PSD3: variants seen among roughly 807,000 people sequenced by gnomAD.
PSD3 encodes PH and SEC7 domain-containing protein 3.
Under a neutral mutation model 105.5 loss-of-function variants are expected in PSD3, and 49 were observed. The ratio of observed to expected loss-of-function variants is 0.46; its 90% CI spans 0.37 to 0.59. PSD3 has a LOEUF of 0.59. Among genes scored for constraint, PSD3 ranks in the 20% least tolerant of loss-of-function variants. PSD3 has a pLI of 0.00. For synonymous variants in PSD3, 557 were observed against 457.8 expected (o/e 1.22, Z -2.77); for missense variants, 1,561 against 1,263.8 (o/e 1.24, Z -3.57).
chr8:19,052,440 C>G (rs1299151882), intron 1 of PSD3, among the ~76,000 whole-genome samples: 1 of 148,640 alleles, frequency 6.7e-6, no homozygotes, highest in African/African-American at 2.5e-5. Flanking sequence ...CCACTGCACT[C>G]CAGCCTGGTG....
chr8:18,746,526 G>C (rs1393024587), intron 9 of PSD3, among the ~76,000 whole-genome samples: 1 of 151,928 alleles, frequency 6.6e-6, no homozygotes, highest in East Asian at 1.9e-4. Flanking sequence ...GGGTGTTGCT[G>C]GTCAGGGGTC....
intron 9 of PSD3, among the ~76,000 whole-genome samples, chr8:18,723,180 C>T (rs1455250259): frequency 6.6e-6 from 1 of 152,142 alleles, no homozygotes; most frequent in African/African-American, 2.4e-5. Flanking sequence ...AGTGCATGAA[C>T]CCAGGAGCAC....
intron 9 of PSD3, among the ~76,000 whole-genome samples, chr8:18,700,590 G>A (rs1164631388): frequency 6.6e-6 from 1 of 152,178 alleles, no homozygotes; most frequent in African/African-American, 2.4e-5. Flanking sequence ...TGGTCTCTTA[G>A]CAGACATACT....
chr8:18,722,247 G>T (rs1330508476), intron 9 of PSD3, among the ~76,000 whole-genome samples: 1 of 152,048 alleles, frequency 6.6e-6, no homozygotes, highest in South Asian at 2.1e-4. Context: ...AGAGTCTTAA[G>T]AGATTCCCTA....
intron 11 of PSD3, among the ~76,000 whole-genome samples, chr8:18,613,480 A>G (rs969712349): frequency 3.3e-5 from 5 of 151,754 alleles, no homozygotes; most frequent in African/African-American, 9.7e-5. Context: ...AATAAATTCC[A>G]CTTGTCACCC....
At chr8:19,007,384 G>A (rs1454642966) in intron 1 of PSD3, among the ~76,000 whole-genome samples, 3 of 151,928 alleles carry the variant, frequency 2.0e-5, no homozygotes, top group Admixed American at 6.6e-5. Flanking sequence ...TTAAATTATC[G>A]AAATTAAATA....
At chr8:19,034,046 C>T (rs919817357) in intron 1 of PSD3, among the ~76,000 whole-genome samples, 2 of 152,062 alleles carry the variant, frequency 1.3e-5, no homozygotes, top group African/African-American at 4.8e-5. Flanking sequence ...AATGTGAAAA[C>T]ACAATGGGCC....
chr8:18,792,480 T>C (rs909210378), intron 8 of PSD3, among the ~76,000 whole-genome samples: 2 of 152,252 alleles, frequency 1.3e-5, no homozygotes, highest in South Asian at 4.1e-4. Flanking sequence ...CCAATTACCA[T>C]GTGTGCTCAC....
At chr8:18,793,491 T>C (rs564886135) in intron 8 of PSD3, among the ~76,000 whole-genome samples, 38 of 151,738 alleles carry the variant, frequency 2.5e-4, no homozygotes, top group African/African-American at 9.0e-4. Context: ...ACCTTAAAGT[T>C]AGAAATCAAA....
At chr8:18,615,113 AAACTT>A (rs1490001804) in intron 11 of PSD3, among the ~76,000 whole-genome samples, 6 of 152,244 alleles carry the variant, frequency 3.9e-5, no homozygotes, top group East Asian at 1.9e-4. Context: ...GTCTACTTTT[AAACTT>A]AACTTCCTCG....
chr8:18,651,692 G>A (rs1391984340), intron 10 of PSD3, among the ~76,000 whole-genome samples: 1 of 152,170 alleles, frequency 6.6e-6, no homozygotes, highest in East Asian at 1.9e-4. Flanking sequence ...TAAAATGGAA[G>A]CTTAAGGCTG....
chr8:18,550,300 C>T (rs766219863), intron 15 of PSD3, among the ~76,000 whole-genome samples: 14 of 152,178 alleles, frequency 9.2e-5, no homozygotes, highest in Non-Finnish European at 2.1e-4. Context: ...CAGCTGTTAT[C>T]ATTTAAAGAT....
intron 1 of PSD3, among the ~76,000 whole-genome samples, chr8:18,986,729 G>C (rs1404622107): frequency 6.6e-5 from 10 of 152,070 alleles, no homozygotes; most frequent in African/African-American, 2.2e-4. Flanking sequence ...AACCCAACGG[G>C]CTAACGTAGC....
In PSD3 at chr8:18,907,348, T is replaced by A. The variant is rs530017355; in HGVS notation, c.130+28686A>T. 3.1e-4 allele frequency among the ~76,000 whole-genome samples: 47 copies of A among 152,320 alleles called. 1 individual carries two copies. The East Asian group carries it at 8.9e-3, about 29-fold the overall frequency. ...TTTCATTGTTTCATTTTATTTATTT[T>A]ATTTTGTAGAGATGGGGGTCTCGCT... is the stretch of plus-strand genomic sequence containing the variant. On this transcript the variant is annotated intron_variant, in intron 2 of 15. Transcript: ENST00000327040.
intron 2 of PSD3, among the ~76,000 whole-genome samples, chr8:18,879,213 C>T (rs1817950532): frequency 6.6e-6 from 1 of 152,120 alleles, no homozygotes; most frequent in Admixed American, 6.5e-5. Context: ...CAGAAAGGGG[C>T]AGCAAATTCA....
chr8:18,703,491 G>C (rs1015405644), intron 9 of PSD3, among the ~76,000 whole-genome samples: 4 of 152,190 alleles, frequency 2.6e-5, no homozygotes, highest in Non-Finnish European at 5.9e-5. Flanking sequence ...TCAAGGAAAA[G>C]TTTAAACCAA....
intron 1 of PSD3, among the ~76,000 whole-genome samples, chr8:18,963,303 C>T (rs1459268955): frequency 6.6e-6 from 1 of 152,102 alleles, no homozygotes; most frequent in Admixed American, 6.5e-5. Flanking sequence ...ACCATATCAC[C>T]ATATATATTT....
Position 18,535,967 on chromosome 8 carries a change from A to C in PSD3, c.2929-9T>G. ...ATTTCATAGCGGGTTTTCTGAAGGC[A>C]AAGCCAGAGAACAACGGTAGTCAGA... On this transcript the variant is annotated splice_polypyrimidine_tract_variant and intron_variant, in intron 15 of 15. Coordinates refer to ENST00000327040, the MANE Select transcript of PSD3 (RefSeq NM_015310.4). 1 of 1,611,122 alleles carries C rather than the reference A, an allele frequency of 6.2e-7. No homozygotes were observed.
intron 1 of PSD3, among the ~76,000 whole-genome samples, chr8:18,973,650 G>A (rs749121379): frequency 1.3e-5 from 2 of 152,128 alleles, no homozygotes; most frequent in African/African-American, 4.8e-5. Flanking sequence ...GGAGATACAA[G>A]TCAGTTCATA....
Sources: gnomAD v4.1 joint callset for allele counts (sites outside exome capture counted in the v4.1 genomes callset) on GRCh38, gnomAD v4.1.1 for gene constraint, MANE v1.5 for transcripts, NCBI Gene and HGNC (gene_info 2026-07-23, HGNC 2026-07-21) for gene names.